CYRIB: variants seen among roughly 807,000 people sequenced by gnomAD.
The protein encoded by CYRIB is CYFIP-related Rac1 interactor B.
CYRIB carries 8 observed loss-of-function variants against 44.2 expected under a neutral mutation model. The ratio of observed to expected loss-of-function variants is 0.18; its 90% confidence interval spans 0.11 to 0.33. The LOEUF (loss-of-function observed/expected upper bound fraction) is 0.33. Among genes scored for constraint, CYRIB ranks in the 10% least tolerant of loss-of-function variants. The pLI, the probability that CYRIB is intolerant of heterozygous loss-of-function variation, is 1.00. For missense variants in CYRIB, 185 were observed against 382.8 expected, an observed-to-expected ratio of 0.48 and a Z score of 4.31; for synonymous variants, 131 against 127.2, an observed-to-expected ratio of 1.03 and a Z score of -0.20.
chr8:129,961,258 C>A (rs1457740369), intron 2 of CYRIB, among the ~76,000 whole-genome samples: 13 of 152,210 alleles, frequency 8.5e-5, no homozygotes, highest in Non-Finnish European at 5.9e-5. Context: ...GTTCAGCTAA[C>A]CCTACTTCAT....
intron 1 of CYRIB, among the ~76,000 whole-genome samples, chr8:130,002,417 C>T (rs941514030): frequency 2.0e-5 from 3 of 151,962 alleles, no homozygotes; most frequent in South Asian, 4.2e-4. Flanking sequence ...GCTGTGATCA[C>T]ACCACAGCAC....
At position 129,999,927 on chromosome 8, in the gene CYRIB, C is replaced by G. The variant is rs1447477075; in HGVS notation, c.-296+16443G>C. Among the ~76,000 whole-genome samples the G allele has an allele frequency of 3.3e-5, 5 of 152,200 alleles. No individual in the cohort carries two copies. The East Asian group carries it at 9.6e-4, about 29-fold the overall frequency. On this transcript the variant is annotated intron_variant, in intron 1 of 14. Transcript: ENST00000401979. ...TACAGGCATCAGCCACTGCACCCAG[C>G]CTCCCATAAGGTTTTGATGAGGATT...
At position 129,900,114 on chromosome 8, in the gene CYRIB, G is replaced by A. The variant is rs550458798; in HGVS notation, c.-11+3198C>T. Among the ~76,000 whole-genome samples, 14 of 152,264 alleles carry A rather than the reference G, an allele frequency of 9.2e-5. 1 individual carries two copies. The South Asian group carries it at 2.9e-3, about 32-fold the overall frequency. ...GACTAAAGGGTTTGTGAAATGACTT[G>A]AACGAGCTCAACTCCCTAATTTTAT... is the stretch of plus-strand genomic sequence containing the variant. On this transcript the variant is annotated intron_variant, in intron 2 of 11. Transcript: ENST00000519824.
upstream of CYRIB, among the ~76,000 whole-genome samples, chr8:129,943,230 G>T (rs1564295463): frequency 6.6e-6 from 1 of 151,978 alleles, no homozygotes; most frequent in Non-Finnish European, 1.5e-5. Context: ...AGCATGACTC[G>T]TTGTAATTCA....
intron 1 of CYRIB, among the ~76,000 whole-genome samples, chr8:129,927,823 T>C (rs1299770790): frequency 7.9e-5 from 12 of 152,076 alleles, no homozygotes; most frequent in African/African-American, 2.9e-4. Context: ...GAAACAGAAA[T>C]AAAAGTCTAT....
At chr8:129,854,598 G>A (rs981884588) in intron 6 of CYRIB, among the ~76,000 whole-genome samples, 3 of 152,116 alleles carry the variant, frequency 2.0e-5, no homozygotes, top group Admixed American at 6.5e-5. Context: ...CTAAAAGCTT[G>A]TTTATCAAAT....
chr8:129,895,108 G>A (rs2067305439), intron 2 of CYRIB, among the ~76,000 whole-genome samples: 2 of 137,922 alleles, frequency 1.5e-5, no homozygotes, highest in East Asian at 4.3e-4. Flanking sequence ...AGTGTGTGTC[G>A]GCGGGGTTGG....
At position 129,853,690 on chromosome 8, in the gene CYRIB, G is replaced by T. The variant is rs556626951; in HGVS notation, c.516+576C>A. On this transcript the variant is annotated intron_variant, in intron 7 of 11. Transcript: ENST00000519824. ...AGAGTAATAAACAGCTTAAGAGGAGGATGGTAAGAAGTTAAGAGACCTAAA... is the reference window on the plus strand; with the variant it reads ...AGAGTAATAAACAGCTTAAGAGGAGTATGGTAAGAAGTTAAGAGACCTAAA... 3.3e-5 allele frequency among the ~76,000 whole-genome samples: 5 copies of T among 152,308 alleles called. No homozygotes were observed. The East Asian group carries it at 9.6e-4, about 29-fold the overall frequency.
chr8:129,976,909 T>G (rs145136595), intron 1 of CYRIB, among the ~76,000 whole-genome samples: 97 of 152,164 alleles, frequency 6.4e-4, no homozygotes, highest in African/African-American at 2.2e-3. Flanking sequence ...TGGCGCAATC[T>G]CTGCTTACTG....
At chr8:129,848,561 G>A (rs2041568834) in intron 10 of CYRIB, among the ~76,000 whole-genome samples, 2 of 152,144 alleles carry the variant, frequency 1.3e-5, no homozygotes, top group South Asian at 2.1e-4. Context: ...TTCCACTGGA[G>A]CATCCTACTG....
At chr8:130,008,490 C>A in intron 1 of CYRIB, 1 of 154,370 alleles carries the variant, frequency 6.5e-6, no homozygotes, top group Non-Finnish European at 1.5e-5. Context: ...CTGTTCAGGC[C>A]TCAGGGACAT....
chr8:129,894,900 CTGAG>C (rs893229541), intron 2 of CYRIB, among the ~76,000 whole-genome samples: 86 of 150,178 alleles, frequency 5.7e-4, no homozygotes, highest in Non-Finnish European at 9.5e-4. Flanking sequence ...TTTTTTCAAA[CTGAG>C]TGTTAGAAAT....
intron 1 of CYRIB, among the ~76,000 whole-genome samples, chr8:129,918,286 A>G (rs1252399630): frequency 1.3e-5 from 2 of 152,210 alleles, no homozygotes; most frequent in African/African-American, 4.8e-5. Flanking sequence ...ACCAGATATG[A>G]TAATATTGCT....
chr8:129,921,209 T>C (rs897377204), intron 1 of CYRIB, among the ~76,000 whole-genome samples: 10 of 152,210 alleles, frequency 6.6e-5, no homozygotes, highest in Admixed American at 5.9e-4. Context: ...CAGTCCATAT[T>C]GGAGAATGAC....
At chr8:130,001,056 A>T (rs930991910) in intron 1 of CYRIB, among the ~76,000 whole-genome samples, 4 of 152,174 alleles carry the variant, frequency 2.6e-5, no homozygotes, top group African/African-American at 4.8e-5. Context: ...AACCCTTCCA[A>T]AACACAGGCA....
At chr8:129,942,854 C>T (rs890596397), upstream of CYRIB, among the ~76,000 whole-genome samples, 1 of 152,138 alleles carries the variant, frequency 6.6e-6, no homozygotes, top group Non-Finnish European at 1.5e-5. Context: ...ACCGAAACTC[C>T]GTATGTGACA....
At chr8:129,901,659 G>A (rs1382522148) in intron 2 of CYRIB, 1 of 152,144 alleles carries the variant, frequency 6.6e-6, no homozygotes, top group Non-Finnish European at 1.5e-5. Context: ...ATATGGATGG[G>A]AACCTTTTCA....
At chr8:129,975,204 C>T (rs973686902) in intron 1 of CYRIB, among the ~76,000 whole-genome samples, 3 of 151,966 alleles carry the variant, frequency 2.0e-5, no homozygotes, top group African/African-American at 7.3e-5. Context: ...CTTGTAGAGA[C>T]AGGGTGTCAC....
chr8:129,975,377 TA>T, intron 1 of CYRIB, among the ~76,000 whole-genome samples: 1 of 152,268 alleles, frequency 6.6e-6, no homozygotes, highest in Non-Finnish European at 1.5e-5. Flanking sequence ...AAGAATTCCT[TA>T]CAATTCTGTG....
Sources: gnomAD v4.1 joint callset for allele counts (sites outside exome capture counted in the v4.1 genomes callset) on GRCh38, gnomAD v4.1.1 for gene constraint, MANE v1.5 for transcripts, NCBI Gene and HGNC (gene_info 2026-07-23, HGNC 2026-07-21) for gene names.